SLC38A8: variants seen among roughly 807,000 people sequenced by gnomAD.
SLC38A8 encodes the protein solute carrier family 38 member 8, also known as amino acid transporter SLC38A8.
In SLC38A8, 65 loss-of-function variants were observed where a neutral mutation model predicts 46.0. The observed-to-expected ratio is 1.41, with a 90% CI of 1.16 to 1.74. SLC38A8 has a LOEUF of 1.74. Among genes scored for constraint, SLC38A8 ranks in the 40% most tolerant of loss-of-function variants. SLC38A8 has a pLI of 0.00. For synonymous variants in SLC38A8, 447 were observed against 243.7 expected (o/e 1.83, Z -7.77); for missense variants, 998 against 567.9 (o/e 1.76, Z -7.70).
At chr16:84,034,166 G>A (rs911067021) in intron 3 of SLC38A8, among the ~76,000 whole-genome samples, 2 of 152,196 alleles carry the variant, frequency 1.3e-5, no homozygotes, top group African/African-American at 4.8e-5. Flanking sequence ...CACCTAGCAG[G>A]CACCTCCAAC....
intron 2 of SLC38A8, among the ~76,000 whole-genome samples, chr16:84,037,837 C>A: frequency 9.5e-6 from 1 of 104,766 alleles, no homozygotes; most frequent in African/African-American, 3.9e-5. Flanking sequence ...GAGACGGAGT[C>A]TAGCTCTGTC....
chr16:84,014,568 A>T (rs1164341623), intron 9 of SLC38A8, among the ~76,000 whole-genome samples: 1 of 151,116 alleles, frequency 6.6e-6, no homozygotes, highest in East Asian at 2.0e-4. Flanking sequence ...AGTTCCACCC[A>T]GAACCTGAGG....
At chr16:84,015,837 C>G (rs546703509) in intron 9 of SLC38A8, among the ~76,000 whole-genome samples, 1 of 152,190 alleles carries the variant, frequency 6.6e-6, no homozygotes, top group Non-Finnish European at 1.5e-5. Flanking sequence ...TCCTGAGTAG[C>G]TGTGATTACA....
At chr16:84,031,237 C>T (rs2085234533) in intron 5 of SLC38A8, among the ~76,000 whole-genome samples, 1 of 152,080 alleles carries the variant, frequency 6.6e-6, no homozygotes, top group African/African-American at 2.4e-5. Context: ...GACAGGGTTT[C>T]ACCATGTTGG....
chr16:84,033,124 C>T (rs1164012669), intron 4 of SLC38A8, among the ~76,000 whole-genome samples: 2 of 152,166 alleles, frequency 1.3e-5, no homozygotes, highest in South Asian at 2.1e-4. Flanking sequence ...GTAGCACTGA[C>T]GTTGTTACAG....
At chr16:84,031,749 G>A (rs2085241116) in intron 5 of SLC38A8, 118 bp downstream of exon 5, 4 of 828,084 alleles carry the variant, frequency 4.8e-6, no homozygotes, top group Non-Finnish European at 7.8e-6. Context: ...AGAACTGGAA[G>A]GAAGGAGCCC....
At chr16:84,024,086 A>G (rs1013577488) in intron 6 of SLC38A8, among the ~76,000 whole-genome samples, 2 of 152,162 alleles carry the variant, frequency 1.3e-5, no homozygotes, top group African/African-American at 2.4e-5. Context: ...GGGACCTACT[A>G]CATGCCAGTA....
Position 84,022,665 on chromosome 16 carries a change from T to A in SLC38A8, c.805+110A>T, listed in dbSNP as rs146822995. The A allele has an allele frequency of 4.1e-5, 32 of 780,442 alleles. No homozygotes were observed. The African/African-American group carries it at 4.6e-4, about 11-fold the overall frequency. 48.3% of individuals were successfully genotyped at this position (780,442 alleles called of 1,614,324 possible). A position where few individuals can be genotyped will look rare whatever the true frequency, so the allele number is the denominator to read the frequency against. On this transcript the variant is annotated intron_variant, in intron 7 of 10. Transcript: ENST00000299709. ...AGGATTAAATAAGATGCTCAAAACA[T>A]TGAGTATTGAGCCCAGCACGTGGTA...
chr16:84,019,908 C>T (rs2085075558), intron 7 of SLC38A8, among the ~76,000 whole-genome samples: 1 of 152,258 alleles, frequency 6.6e-6, no homozygotes, highest in African/African-American at 2.4e-5. Context: ...ATGTGCCACC[C>T]CCTGGACACA....
At chr16:84,014,401 T>C (rs2084999073) in intron 9 of SLC38A8, among the ~76,000 whole-genome samples, 2 of 145,126 alleles carry the variant, frequency 1.4e-5, no homozygotes, top group Non-Finnish European at 3.0e-5. Context: ...AAAGCTCCGC[T>C]CAGAGCATGC....
rs770330211 is a variant in SLC38A8, at chr16:84,016,658, G to A, written c.1023C>T (p.Pro341=). The A allele has an allele frequency of 7.4e-6, 12 of 1,613,750 alleles. No individual in the cohort carries two copies. In the East Asian group the frequency reaches 1.1e-4, roughly 15 times the overall value. ...GGWGPSALAD[P]SGLWVRMPLT... ...GCGGCATCCGGACCCACAGCCCTGA[G>A]GGGTCGGCCAGGGCGCTGGGCCCCC... Residue 341 remains proline, a synonymous_variant, in exon 9 of 11, where the codon CCC becomes CCT. Coordinates refer to ENST00000299709, the MANE Select transcript of SLC38A8 (RefSeq NM_001080442.3).
At chr16:84,021,836 T>C (rs2085099604) in intron 7 of SLC38A8, among the ~76,000 whole-genome samples, 2 of 152,368 alleles carry the variant, frequency 1.3e-5, no homozygotes, top group Middle Eastern at 3.4e-3. Context: ...ATCAAGAGGC[T>C]ACATCTGGGG....
Position 84,036,743 on chromosome 16 carries a change from G to A in SLC38A8, c.347C>T (p.Ser116Phe), listed in dbSNP as rs560367265. ...ACFLLNLLMI[S>F]VAFLRVIGDQ... ...CCCGATCACCCTGAGGAAGGCCACG[G>A]AGATCATGAGCAGGTTGAGGAGGAA... Residue 116 changes from serine (S) to phenylalanine (F), a missense_variant, in exon 3 of 11, where the codon TCC becomes TTC. Ser to Phe is a radical substitution (Grantham distance 155). Transcript: ENST00000299709. 11 of 1,614,098 alleles carry A rather than the reference G, an allele frequency of 6.8e-6. No individual in the cohort carries two copies. Among genetic ancestry groups the A allele is most frequent in the African/African-American group, 1.3e-5 (1 of 74,950 alleles).
intron 7 of SLC38A8, among the ~76,000 whole-genome samples, chr16:84,021,320 C>A (rs2085093199): frequency 6.6e-6 from 1 of 152,200 alleles, no homozygotes; most frequent in South Asian, 2.1e-4. Context: ...CTGCCTCGGC[C>A]TCCCAAAGTG....
At chr16:84,010,376 C>T (rs1173785817) in intron 10 of SLC38A8, among the ~76,000 whole-genome samples, 3 of 152,174 alleles carry the variant, frequency 2.0e-5, no homozygotes, top group Non-Finnish European at 2.9e-5. Flanking sequence ...TGGCCGCAAG[C>T]AGTTTTTAAA....
At chr16:84,030,872 A>G (rs2085229615) in intron 5 of SLC38A8, among the ~76,000 whole-genome samples, 1 of 146,466 alleles carries the variant, frequency 6.8e-6, no homozygotes, top group South Asian at 2.3e-4. Context: ...CAGCCCTGCC[A>G]CTGGGAAATC....
chr16:84,036,208 G>C (rs1021766262), intron 3 of SLC38A8, among the ~76,000 whole-genome samples: 2 of 152,194 alleles, frequency 1.3e-5, no homozygotes, highest in Admixed American at 6.5e-5. Context: ...CAGTGAAAAG[G>C]AGCAAATATT....
chr16:84,033,543 A>G, intron 3 of SLC38A8, 74 bp from the exon 4 acceptor site: 1 of 1,488,694 alleles, frequency 6.7e-7, no homozygotes, highest in Non-Finnish European at 8.9e-7. Context: ...CTGGCCCTTC[A>G]ACCCTGGCTG....
intron 4 of SLC38A8, among the ~76,000 whole-genome samples, chr16:84,032,477 G>A (rs1160012359): frequency 2.0e-5 from 3 of 152,218 alleles, no homozygotes; most frequent in East Asian, 3.9e-4. Flanking sequence ...GTGACGCCCA[G>A]CCCAAATGTG....
Sources: gnomAD v4.1 joint callset for allele counts (sites outside exome capture counted in the v4.1 genomes callset) on GRCh38, gnomAD v4.1.1 for gene constraint, MANE v1.5 for transcripts, NCBI Gene and HGNC (gene_info 2026-07-23, HGNC 2026-07-21) for gene names.